Variants in PADI3 observed in about 807,000 individuals in gnomAD.
The protein encoded by PADI3 is protein-arginine deiminase type-3.
Under a neutral mutation model 71.5 loss-of-function variants are expected in PADI3, and 53 were observed. That is an observed-to-expected ratio of 0.74 (90% CI 0.59 to 0.93). The LOEUF is 0.93. Among genes scored for constraint, PADI3 ranks in the 40% least tolerant of loss-of-function variants. PADI3 has a pLI of 0.00. For synonymous variants in PADI3, 361 were observed against 347.5 expected, an observed-to-expected ratio of 1.04 and a Z score of -0.43; for missense variants, 821 against 868.0, an observed-to-expected ratio of 0.95 and a Z score of 0.68.
At chr1:17,255,704 T>C (rs928134943) in intron 1 of PADI3, among the ~76,000 whole-genome samples, 1 of 152,190 alleles carries the variant, frequency 6.6e-6, no homozygotes, top group Non-Finnish European at 1.5e-5. Flanking sequence ...TACCTTCTAG[T>C]CACTTATCTT....
chr1:17,281,854 T>C (rs1247796504), intron 15 of PADI3, among the ~76,000 whole-genome samples: 1 of 152,232 alleles, frequency 6.6e-6, no homozygotes, highest in Non-Finnish European at 1.5e-5. Context: ...GAGGCACTGC[T>C]GCCGCGCTAA....
rs529791374 is a variant in PADI3 at position 17,268,149 on chromosome 1, C to T, written c.652+187C>T. Among the ~76,000 whole-genome samples, 61 of 152,336 alleles carry T rather than the reference C, an allele frequency of 4.0e-4. 1 individual carries two copies. The highest frequency in any genetic ancestry group is 1.4e-3 in the African/African-American group (59 of 41,576). ...TTTGGAACTGATGAACTGGTGCCCC[C>T]AGCACAACACCTGGCCTGAGGTCAT... On this transcript the variant is annotated intron_variant, in intron 6 of 15. Transcript: ENST00000375460.
chr1:17,280,271 T>C, intron 13 of PADI3, 79 bp from the exon 14 acceptor site: 1 of 1,129,746 alleles, frequency 8.9e-7, no homozygotes, highest in Non-Finnish European at 1.3e-6. Context: ...ACTTGGCTCC[T>C]GCCTGTCTGC....
rs761157805 is a variant in PADI3, at chr1:17,266,873, G to A, written c.526+37G>A. The A allele has an allele frequency of 6.0e-6, 9 of 1,495,662 alleles. No homozygotes were observed. The South Asian group carries it at 6.8e-5, about 11-fold the overall frequency. The allele number at this position is 1,495,662 out of a possible 1,614,324, so 92.6% of individuals were successfully genotyped here. A position where few individuals can be genotyped will look rare whatever the true frequency, so the allele number is the denominator to read the frequency against. ...GCAGCCTGAGTCCCTGGGTGTCCAG[G>A]GTCACTGCTCAGTTACCCCATGGGA... On this transcript the variant is annotated intron_variant, in intron 5 of 15. Transcript: ENST00000375460.
Position 17,265,686 on chromosome 1 carries a change from G to A in PADI3, c.374G>A (p.Cys125Tyr), listed in dbSNP as rs759324080. ...ATCTCTCTGGATTGCGACCTGAACTGTGAGGGAAGGCAGGACAGGAACTTT... is the reference window on the plus strand; with the variant it reads ...ATCTCTCTGGATTGCGACCTGAACTATGAGGGAAGGCAGGACAGGAACTTT... ...VDISLDCDLN[C>Y]EGRQDRNFVD... The change falls in exon 4 of 16, where the codon TGT becomes TAT. Residue 125 changes from cysteine to tyrosine, a missense_variant. Transcript: ENST00000375460. 1 of 1,614,198 alleles carries A rather than the reference G, an allele frequency of 6.2e-7. No homozygotes were observed. Among genetic ancestry groups the A allele is most frequent in the Admixed American group, 1.7e-5 (1 of 60,020 alleles).
intron 1 of PADI3, among the ~76,000 whole-genome samples, chr1:17,254,302 G>A (rs1045975155): frequency 7.2e-5 from 11 of 152,176 alleles, no homozygotes; most frequent in Non-Finnish European, 1.5e-4. Context: ...ATCCCAGCTC[G>A]GTGGAGACCT....
chr1:17,259,530 C>T (rs2073073608), intron 1 of PADI3, 48 bp from the exon 2 acceptor site: 1 of 1,507,538 alleles, frequency 6.6e-7, no homozygotes, highest in Non-Finnish European at 8.9e-7. Context: ...AACATCTGAG[C>T]AAAATATATC....
In PADI3 at chr1:17,283,854, AG is replaced by A; in HGVS notation, c.*776del. ...AGGGAGACTGGGTACAAGGGTGAAA[AG>A]TAGTTCCCATAATACACATGGTTGA... is the stretch of plus-strand genomic sequence containing the variant. On this transcript the variant is annotated 3_prime_UTR_variant, in exon 16 of 16. Transcript: ENST00000375460. 6.6e-6 allele frequency: 1 copy of A among 152,312 alleles called. No homozygotes were observed. Among genetic ancestry groups the A allele is most frequent in the South Asian group, 2.1e-4 (1 of 4,832 alleles). The allele number at this position is 152,312 out of a possible 1,614,324, so 9.4% of individuals were successfully genotyped here.
At chr1:17,257,078 A>G (rs2073038059) in intron 1 of PADI3, among the ~76,000 whole-genome samples, 1 of 148,294 alleles carries the variant, frequency 6.7e-6, no homozygotes. Context: ...TGGGAGATGG[A>G]AGGCGAGTGC....
intron 14 of PADI3, 75 bp downstream of exon 14, chr1:17,280,504 C>T (rs2073386855): frequency 1.4e-6 from 2 of 1,481,054 alleles, no homozygotes; most frequent in African/African-American, 1.4e-5. Flanking sequence ...GGGATACAGA[C>T]ATCTGAGGCT....
chr1:17,276,314 G>A (rs2073329553), intron 11 of PADI3, among the ~76,000 whole-genome samples: 1 of 152,164 alleles, frequency 6.6e-6, no homozygotes, highest in Non-Finnish European at 1.5e-5. Context: ...TCCAGCCTGA[G>A]TGACAGAGTG....
intron 3 of PADI3, among the ~76,000 whole-genome samples, chr1:17,265,064 C>A (rs987451887): frequency 9.9e-5 from 15 of 152,060 alleles, no homozygotes; most frequent in African/African-American, 3.6e-4. Flanking sequence ...CTCCCTGCCC[C>A]TCACTGCTTC....
intron 2 of PADI3, among the ~76,000 whole-genome samples, chr1:17,260,262 T>C (rs2073087209): frequency 6.6e-6 from 1 of 152,158 alleles, no homozygotes; most frequent in Admixed American, 6.5e-5. Context: ...CGCTTTGCTG[T>C]CCGTAATCCA....
At chr1:17,272,357 C>T (rs867265473) in intron 9 of PADI3, among the ~76,000 whole-genome samples, 19 of 152,072 alleles carry the variant, frequency 1.2e-4, no homozygotes, top group African/African-American at 3.6e-4. Flanking sequence ...TCCTCTTGGC[C>T]GGAGGTCAGT....
chr1:17,276,923 C>G, intron 13 of PADI3, 47 bp downstream of exon 13: 1 of 1,504,754 alleles, frequency 6.6e-7, no homozygotes. Flanking sequence ...CTGCCCCTTA[C>G]CCAAATTAAG....
intron 3 of PADI3, 62 bp downstream of exon 3, chr1:17,262,267 A>T: frequency 8.1e-7 from 1 of 1,235,210 alleles, no homozygotes; most frequent in Non-Finnish European, 1.1e-6. Flanking sequence ...CAAGCAGTAC[A>T]AAAGAGTATA....
chr1:17,266,891 C>A, intron 5 of PADI3, 55 bp downstream of exon 5: 1 of 1,354,516 alleles, frequency 7.4e-7, no homozygotes, highest in South Asian at 1.2e-5. Context: ...CTCAGTTACC[C>A]CATGGGAGTT....
At chr1:17,267,285 G>T (rs1273345809) in intron 5 of PADI3, among the ~76,000 whole-genome samples, 1 of 152,134 alleles carries the variant, frequency 6.6e-6, no homozygotes, top group Non-Finnish European at 1.5e-5. Flanking sequence ...CCAAATCTGG[G>T]CCTCCTCCTT....
At chr1:17,259,394 C>G (rs142680291) in intron 1 of PADI3, among the ~76,000 whole-genome samples, 184 bp from the exon 2 acceptor site, 1 of 152,192 alleles carries the variant, frequency 6.6e-6, no homozygotes, top group African/African-American at 2.4e-5. Flanking sequence ...TCACCACGCC[C>G]GGCCGACTGT....
Sources: gnomAD v4.1 joint callset for allele counts (sites outside exome capture counted in the v4.1 genomes callset) on GRCh38, gnomAD v4.1.1 for gene constraint, MANE v1.5 for transcripts, NCBI Gene and HGNC (gene_info 2026-07-23, HGNC 2026-07-21) for gene names.